The following PLCE1 variants were observed in gnomAD, a reference collection of about 807,000 sequenced individuals.
PLCE1 encodes the protein phospholipase C epsilon 1, also known as 1-phosphatidylinositol 4,5-bisphosphate phosphodiesterase epsilon-1.
In PLCE1, 119 loss-of-function variants were observed where a neutral mutation model predicts 242.8. That is an observed-to-expected ratio of 0.49 (90% CI 0.42 to 0.57). The LOEUF is 0.57. Ranked by LOEUF, PLCE1 falls within the 20% of genes least tolerant of loss-of-function variation. The pLI, the probability that PLCE1 is intolerant of heterozygous loss-of-function variation, is 0.00. For missense variants in PLCE1, 2,441 were observed against 2,788.8 expected (o/e 0.88, Z 2.81); for synonymous variants, 945 against 1,017.4 (o/e 0.93, Z 1.35).
At chr10:94,269,094 CTTTTTTTTTTTTT>C (rs71031565) in intron 17 of PLCE1, 58 bp downstream of exon 17, 1 of 312,488 alleles carries the variant, frequency 3.2e-6, no homozygotes, top group Non-Finnish European at 5.7e-6. Flanking sequence ...CTTCATTTGT[CTTTTTTTTTTTTT>C]TTTTTTTTTT....
At chr10:94,064,399 T>C (rs1325903062) in intron 2 of PLCE1, among the ~76,000 whole-genome samples, 1 of 152,016 alleles carries the variant, frequency 6.6e-6, no homozygotes, top group Non-Finnish European at 1.5e-5. Context: ...AAAAATTAGC[T>C]GGGCATAGTG....
intron 24 of PLCE1, among the ~76,000 whole-genome samples, chr10:94,299,231 G>A (rs1365340680): frequency 2.0e-5 from 3 of 152,192 alleles, no homozygotes; most frequent in African/African-American, 7.2e-5. Flanking sequence ...ACTCTGATAT[G>A]ACGCCTAAAA....
chr10:94,092,334 C>T (rs747708257), intron 2 of PLCE1, among the ~76,000 whole-genome samples: 5 of 152,114 alleles, frequency 3.3e-5, no homozygotes, highest in African/African-American at 9.7e-5. Context: ...AAACAACCGA[C>T]GCTAAACACT....
intron 2 of PLCE1, among the ~76,000 whole-genome samples, chr10:94,065,339 A>T (rs973433821): frequency 1.3e-5 from 2 of 152,186 alleles, no homozygotes; most frequent in Non-Finnish European, 2.9e-5. Flanking sequence ...GCCATAGCTC[A>T]TGTATGACAC....
rs1478652516 is a variant in PLCE1 at position 94,262,569 on chromosome 10, AG to A, written c.3891del (p.Ile1298TyrfsTer11). ...SKQQLSDNQR[Q>X]ISDAIAAASI... Reference sequence around the variant, plus strand: ...CAGCAGCTATCGGACAACCAGAGGCAGATATCTGATGCCATTGCTGCTGCAA... The same window carrying A: ...CAGCAGCTATCGGACAACCAGAGGCAATATCTGATGCCATTGCTGCTGCAA... On this transcript the variant is annotated frameshift_variant, in exon 14 of 33. Coordinates refer to ENST00000371380, the MANE Select transcript of PLCE1 (RefSeq NM_016341.4). LOFTEE classifies it high-confidence loss of function. 1 of 1,614,094 alleles carries A rather than the reference AG, an allele frequency of 6.2e-7. No homozygotes were observed. The highest frequency in any genetic ancestry group is 8.5e-7 in the Non-Finnish European group (1 of 1,179,936).
chr10:94,270,630 G>A, intron 18 of PLCE1, 28 bp downstream of exon 18: 1 of 1,301,136 alleles, frequency 7.7e-7, no homozygotes, highest in South Asian at 1.2e-5. Context: ...AGGCAGGATG[G>A]TATGTTGGCC....
intron 2 of PLCE1, among the ~76,000 whole-genome samples, chr10:94,044,603 C>T (rs535871472): frequency 6.6e-6 from 1 of 152,362 alleles, no homozygotes; most frequent in African/African-American, 2.4e-5. Context: ...TTCAGAGGCA[C>T]TCACAAACTC....
At chr10:94,111,660 G>C (rs2045959478) in intron 2 of PLCE1, among the ~76,000 whole-genome samples, 2 of 30,774 alleles carry the variant, frequency 6.5e-5, no homozygotes, top group South Asian at 8.5e-3. Flanking sequence ...ATTTACACTT[G>C]GTTCTGGAAG....
intron 2 of PLCE1, among the ~76,000 whole-genome samples, chr10:94,119,784 G>A (rs1032553933): frequency 2.6e-5 from 4 of 152,196 alleles, no homozygotes; most frequent in Admixed American, 6.5e-5. Context: ...TTAAGGACAA[G>A]AAGCTCTTTT....
At chr10:94,256,281 G>A (rs1281467302) in intron 11 of PLCE1, among the ~76,000 whole-genome samples, 2 of 139,736 alleles carry the variant, frequency 1.4e-5, no homozygotes, top group East Asian at 4.1e-4. Flanking sequence ...CCATAATCAT[G>A]CCATTGCGCT....
intron 2 of PLCE1, among the ~76,000 whole-genome samples, chr10:94,055,011 CAAA>C (rs71306823): frequency 4.4e-5 from 4 of 91,196 alleles, no homozygotes; most frequent in Non-Finnish European, 2.4e-5. Flanking sequence ...GACTCCATCT[CAAA>C]AAAAAAAAAA....
chr10:94,289,300 G>T (rs930053607), intron 22 of PLCE1, among the ~76,000 whole-genome samples: 2 of 152,142 alleles, frequency 1.3e-5, no homozygotes, highest in African/African-American at 4.8e-5. Flanking sequence ...ACCCTGAGTG[G>T]CTCTCGGACC....
chr10:94,230,377 T>C (rs1030359845), intron 5 of PLCE1, among the ~76,000 whole-genome samples: 7 of 152,100 alleles, frequency 4.6e-5, no homozygotes, highest in Non-Finnish European at 4.4e-5. Flanking sequence ...CAGGCTGGAG[T>C]GCAGTGGTGC....
At chr10:94,190,672 G>C (rs1403829343) in intron 4 of PLCE1, among the ~76,000 whole-genome samples, 1 of 152,188 alleles carries the variant, frequency 6.6e-6, no homozygotes, top group Non-Finnish European at 1.5e-5. Flanking sequence ...CACATAGTAG[G>C]TGTTCAACAA....
At chr10:94,049,823 A>G (rs1334934761) in intron 2 of PLCE1, among the ~76,000 whole-genome samples, 2 of 152,100 alleles carry the variant, frequency 1.3e-5, no homozygotes, top group African/African-American at 4.8e-5. Context: ...TTCTAACACC[A>G]TTCACTTGGC....
At chr10:94,200,931 A>C (rs2048968790) in intron 4 of PLCE1, among the ~76,000 whole-genome samples, 1 of 152,174 alleles carries the variant, frequency 6.6e-6, no homozygotes. Flanking sequence ...ATTCTCAAAA[A>C]TGTCAAGGTC....
intron 16 of PLCE1, 82 bp from the exon 17 acceptor site, chr10:94,268,847 A>C: frequency 1.3e-6 from 1 of 789,658 alleles, no homozygotes; most frequent in Non-Finnish European, 2.3e-6. Context: ...ACTGCCTGAT[A>C]TGTAGAACTA....
At chr10:94,193,948 TTG>T (rs577632122) in intron 4 of PLCE1, among the ~76,000 whole-genome samples, 1 of 152,206 alleles carries the variant, frequency 6.6e-6, no homozygotes, top group Non-Finnish European at 1.5e-5. Context: ...TAGAATGAAA[TTG>T]TCTTTTTTTA....
chr10:94,179,529 T>TG (rs1564761804), intron 4 of PLCE1, among the ~76,000 whole-genome samples: 6 of 12,552 alleles, frequency 4.8e-4, no homozygotes, highest in Non-Finnish European at 1.3e-3. Context: ...TTTTTTTTTT[T>TG]TGACAGGGTC....
Sources: allele counts gnomAD v4.1 joint callset (sites outside exome capture counted in the v4.1 genomes callset), GRCh38; gene constraint gnomAD v4.1.1; transcripts MANE v1.5; gene names NCBI Gene and HGNC (gene_info 2026-07-23, HGNC 2026-07-21).